Variants in SASH1 observed in about 807,000 individuals in gnomAD.
SASH1 encodes the protein SAM and SH3 domain containing 1.
In SASH1, 44 loss-of-function variants were observed where a neutral mutation model predicts 125.2. The observed-to-expected ratio is 0.35, with a 90% CI of 0.28 to 0.45. The LOEUF (loss-of-function observed/expected upper bound fraction) is 0.45. SASH1 is among the 20% of genes least tolerant of loss of function. SASH1 has a pLI of 1.00. For missense variants in SASH1, 1,426 were observed against 1,614.5 expected (o/e 0.88, Z 2.00); for synonymous variants, 639 against 649.1 (o/e 0.98, Z 0.24).
In SASH1 at chr6:148,486,936, AATATATATATATATATAT is replaced by A. The variant is rs68036618; in HGVS notation, c.628-637_628-620del. On this transcript the variant is annotated intron_variant, in intron 7 of 19. Transcript: ENST00000367467. ...AGACCCTGTCTCAACAACAACAACA[AATATATATATATATATAT>A]ATATATATATATATATATATATATA... Among the ~76,000 whole-genome samples, 577 of 61,958 alleles carry A rather than the reference AATATATATATATATATAT, an allele frequency of 9.3e-3. 10 individuals carry two copies. Among genetic ancestry groups the A allele is most frequent in the Middle Eastern group, 0.015 (2 of 132 alleles). 40.6% of individuals were successfully genotyped at this position (61,958 alleles called of 152,430 possible).
At chr6:148,334,128 A>C (rs1242683737) in intron 1 of SASH1, among the ~76,000 whole-genome samples, 4 of 91,726 alleles carry the variant, frequency 4.4e-5, no homozygotes, top group Non-Finnish European at 8.6e-5. Context: ...AAAATATTTT[A>C]AGAGATAATA....
intron 4 of SASH1, among the ~76,000 whole-genome samples, chr6:148,449,891 C>G (rs981693352): frequency 1.3e-5 from 2 of 152,126 alleles, no homozygotes; most frequent in African/African-American, 4.8e-5. Context: ...CCCACTCTCT[C>G]AGGAACTGAT....
chr6:148,337,220 C>G (rs1466055658), intron 1 of SASH1, among the ~76,000 whole-genome samples: 1 of 132,834 alleles, frequency 7.5e-6, no homozygotes, highest in Non-Finnish European at 1.6e-5. Context: ...CTACATCCAG[C>G]TAATTTTTTT....
At chr6:148,375,302 G>A (rs975617060) in intron 1 of SASH1, among the ~76,000 whole-genome samples, 1 of 152,022 alleles carries the variant, frequency 6.6e-6, no homozygotes, top group African/African-American at 2.4e-5. Flanking sequence ...ACAACATGAT[G>A]TTGTGGGATA....
At chr6:148,375,443 C>G (rs569869495) in intron 1 of SASH1, among the ~76,000 whole-genome samples, 1 of 151,942 alleles carries the variant, frequency 6.6e-6, no homozygotes, top group Non-Finnish European at 1.5e-5. Flanking sequence ...ACAGAAATCC[C>G]TAACGGAAGA....
At chr6:148,457,922 G>T (rs544048233) in intron 4 of SASH1, among the ~76,000 whole-genome samples, 1 of 152,134 alleles carries the variant, frequency 6.6e-6, no homozygotes, top group Non-Finnish European at 1.5e-5. Flanking sequence ...ACTCACTATC[G>T]CGAGAACAGC....
At chr6:148,351,650 C>CT (rs67177596) in intron 1 of SASH1, among the ~76,000 whole-genome samples, 36,017 of 115,928 alleles carry the variant, frequency 0.31, 6,430 homozygotes, top group East Asian at 0.44. Context: ...TTACTCACCG[C>CT]TTTTTTTTTT....
At chr6:148,475,086 A>G (rs1778282473) in intron 7 of SASH1, among the ~76,000 whole-genome samples, 1 of 152,216 alleles carries the variant, frequency 6.6e-6, no homozygotes, top group African/African-American at 2.4e-5. Context: ...GCAGCAATTT[A>G]TTAAGAGATT....
chr6:148,510,176 G>A (rs992916032), intron 8 of SASH1, among the ~76,000 whole-genome samples: 1 of 152,176 alleles, frequency 6.6e-6, no homozygotes, highest in Admixed American at 6.5e-5. Context: ...TATAGCATTA[G>A]CCAAAGTAAT....
chr6:148,443,490 T>TA (rs1307196761), intron 4 of SASH1, among the ~76,000 whole-genome samples: 1 of 121,242 alleles, frequency 8.2e-6, no homozygotes, highest in African/African-American at 3.1e-5. Flanking sequence ...TTTATATATA[T>TA]TTTATATATA....
the SASH1 span, among the ~76,000 whole-genome samples, chr6:148,256,333 A>G: frequency 1.3e-5 from 2 of 152,174 alleles, no homozygotes; most frequent in Non-Finnish European, 2.9e-5. Context: ...TTTTACAACT[A>G]TCTAAGACAA....
intron 9 of SASH1, among the ~76,000 whole-genome samples, chr6:148,518,415 C>T (rs1277488055): frequency 1.3e-5 from 2 of 152,110 alleles, no homozygotes; most frequent in African/African-American, 4.8e-5. Context: ...ACCTATAAAT[C>T]CCATCAATTG....
chr6:148,342,212 T>C (rs571556549), upstream of SASH1, among the ~76,000 whole-genome samples: 2 of 152,318 alleles, frequency 1.3e-5, no homozygotes, highest in Non-Finnish European at 2.9e-5. Context: ...ATCCAAACAA[T>C]GGCTCGTGCC....
intron 19 of SASH1, 94 bp downstream of exon 19, chr6:148,546,240 T>C (rs1782560390): frequency 3.5e-6 from 5 of 1,432,102 alleles, no homozygotes; most frequent in Non-Finnish European, 4.7e-6. Flanking sequence ...GGCAAGGGCT[T>C]GCGTAGCTAT....
chr6:148,532,732 A>T lies in SASH1; in HGVS notation c.1565-65A>T. The T allele has an allele frequency of 6.3e-7, 1 of 1,577,216 alleles. No homozygotes were observed. Among genetic ancestry groups the T allele is most frequent in the Non-Finnish European group, 8.7e-7 (1 of 1,154,224 alleles). On this transcript the variant is annotated intron_variant, in intron 13 of 19. Transcript: ENST00000367467. This position sits in a 1 kb window ranked among gnomAD's most constrained non-coding sequence, Gnocchi z 4.7. ...TTTCCTAATCTGCCATACCTTCAAT[A>T]CCTTTCTGCTTTGCTGGGTGGGAAA...
chr6:148,343,818 T>C (rs1277360169), intron 1 of SASH1, among the ~76,000 whole-genome samples: 1 of 152,216 alleles, frequency 6.6e-6, no homozygotes, highest in African/African-American at 2.4e-5. Context: ...TTTGGCATAG[T>C]CTCTGGGAAG....
intron 7 of SASH1, 87 bp downstream of exon 7, chr6:148,474,309 A>G (rs1383353154): frequency 2.8e-6 from 2 of 719,022 alleles, no homozygotes; most frequent in Non-Finnish European, 4.9e-6. Context: ...GGGTATAGGA[A>G]TCAGGTACCC....
intron 8 of SASH1, chr6:148,512,327 A>G (rs1405381896): frequency 6.9e-6 from 2 of 288,388 alleles, no homozygotes; most frequent in Admixed American, 1.3e-4. Context: ...GACATATTCT[A>G]GGTTTGTCCC....
At chr6:148,252,763 G>A in the SASH1 span, among the ~76,000 whole-genome samples, 12 of 152,284 alleles carry the variant, frequency 7.9e-5, no homozygotes, top group Admixed American at 7.2e-4. Context: ...ACAGCCATGA[G>A]CCACCATGCC....
Sources: allele counts gnomAD v4.1 joint callset (sites outside exome capture counted in the v4.1 genomes callset), GRCh38; gene constraint gnomAD v4.1.1; non-coding constraint Gnocchi (gnomAD v3.1); transcripts MANE v1.5; gene names NCBI Gene and HGNC (gene_info 2026-07-23, HGNC 2026-07-21).